PRKCB: variants seen among roughly 807,000 people sequenced by gnomAD.
PRKCB encodes the protein protein kinase C beta.
Under a neutral mutation model 81.5 loss-of-function variants are expected in PRKCB, and 13 were observed. The observed-to-expected ratio is 0.16, with a 90% CI of 0.10 to 0.25. The LOEUF is 0.25. PRKCB is among the 10% of genes least tolerant of loss of function. The pLI, the probability that PRKCB is intolerant of heterozygous loss-of-function variation, is 1.00. For missense variants in PRKCB, 509 were observed against 875.7 expected (o/e 0.58, Z 5.29); for synonymous variants, 335 against 321.4 (o/e 1.04, Z -0.45).
intron 2 of PRKCB, among the ~76,000 whole-genome samples, chr16:23,870,682 T>G (rs1408678376): frequency 6.6e-6 from 1 of 152,234 alleles, no homozygotes; most frequent in African/African-American, 2.4e-5. Flanking sequence ...CGTAGGTTGA[T>G]CAGGACCCTG....
At chr16:23,935,992 C>T (rs1324195007) in intron 2 of PRKCB, among the ~76,000 whole-genome samples, 1 of 152,186 alleles carries the variant, frequency 6.6e-6, no homozygotes, top group Non-Finnish European at 1.5e-5. Context: ...CAAATCTGCA[C>T]ATGTACCTAC....
chr16:24,031,420 G>T (rs1965549939), intron 3 of PRKCB, among the ~76,000 whole-genome samples: 1 of 152,138 alleles, frequency 6.6e-6, no homozygotes, highest in African/African-American at 2.4e-5. Flanking sequence ...AAAGGCTCAA[G>T]GAAGTATGCA....
At chr16:23,899,860 TATTTATTG>T (rs1427913655) in intron 2 of PRKCB, among the ~76,000 whole-genome samples, 1 of 11,364 alleles carries the variant, frequency 8.8e-5, no homozygotes, top group African/African-American at 1.9e-4. Flanking sequence ...TTTATTTATT[TATTTATTG>T]TAGAGATAGG....
intron 2 of PRKCB, among the ~76,000 whole-genome samples, chr16:23,875,712 A>ATGTG (rs945803334): frequency 7.3e-6 from 1 of 136,218 alleles, no homozygotes; most frequent in African/African-American, 2.8e-5. Context: ...ACACATATAT[A>ATGTG]TGTATGTATA....
At chr16:23,926,321 C>T (rs1460633775) in intron 2 of PRKCB, among the ~76,000 whole-genome samples, 10 of 150,528 alleles carry the variant, frequency 6.6e-5, no homozygotes, top group African/African-American at 1.2e-4. Context: ...CCCATCTCTG[C>T]AAAAATACAA....
chr16:24,041,260 G>A (rs1270325154), intron 5 of PRKCB, among the ~76,000 whole-genome samples: 5 of 151,958 alleles, frequency 3.3e-5, no homozygotes, highest in African/African-American at 2.4e-5. Context: ...CACTGTGTTA[G>A]CCAGGATGGT....
At chr16:24,109,003 C>G (rs1315827764) in intron 7 of PRKCB, among the ~76,000 whole-genome samples, 2 of 139,420 alleles carry the variant, frequency 1.4e-5, no homozygotes, top group East Asian at 2.1e-4. Flanking sequence ...ACCTCCCTCC[C>G]GGACGGGGCG....
intron 5 of PRKCB, among the ~76,000 whole-genome samples, chr16:24,072,812 C>T (rs950375383): frequency 6.6e-6 from 1 of 152,072 alleles, no homozygotes; most frequent in Non-Finnish European, 1.5e-5. Flanking sequence ...GACCTCCTGA[C>T]CTGAGGTGAT....
chr16:23,954,501 C>G (rs142402949), intron 2 of PRKCB, among the ~76,000 whole-genome samples: 37 of 152,308 alleles, frequency 2.4e-4, no homozygotes, highest in African/African-American at 8.7e-4. Context: ...TGGGAATGAG[C>G]TTACTGGCTC....
In PRKCB at chr16:24,096,063, C is replaced by T. The variant is rs567792868; in HGVS notation, c.821+1766C>T. On this transcript the variant is annotated intron_variant, in intron 7 of 16. Transcript: ENST00000643927. The stretch of plus-strand genomic sequence containing the variant: ...CTGTATTCCCAGCACTTTGGGAGGC[C>T]GAGGTGGGTGGATCACGAGATCGGG... Among the ~76,000 whole-genome samples, 80 of 152,102 alleles carry T rather than the reference C, an allele frequency of 5.3e-4. 1 individual carries two copies. Among genetic ancestry groups the T allele is most frequent in the African/African-American group, 1.7e-3 (69 of 41,516 alleles).
rs187559261 is a variant in PRKCB at position 24,219,370 on chromosome 16, T to G, written c.*4554T>G. On this transcript the variant is annotated 3_prime_UTR_variant, in exon 17 of 17. Coordinates refer to ENST00000643927, the MANE Select transcript of PRKCB (RefSeq NM_002738.7). ...AATGTCTTTGGAGAGAACTTCTGCC[T>G]GATAAACACCCAATTCTAGACTGTG... 7 of 985,422 alleles carry G rather than the reference T, an allele frequency of 7.1e-6. No individual in the cohort carries two copies. The East Asian group carries it at 6.8e-4, about 96-fold the overall frequency. The allele number at this position is 985,422 out of a possible 1,614,324, so 61.0% of individuals were successfully genotyped here.
intron 2 of PRKCB, among the ~76,000 whole-genome samples, chr16:23,935,757 T>A (rs1051706001): frequency 1.3e-5 from 2 of 152,184 alleles, no homozygotes; most frequent in Non-Finnish European, 2.9e-5. Flanking sequence ...GCCATTATTT[T>A]AAGCAAATTA....
chr16:24,156,873 A>T (rs907354169), intron 10 of PRKCB, among the ~76,000 whole-genome samples: 1 of 152,138 alleles, frequency 6.6e-6, no homozygotes, highest in Non-Finnish European at 1.5e-5. Flanking sequence ...CAGGCAAAGG[A>T]CAGTCTCCGT....
In PRKCB at chr16:23,881,345, C is replaced by T. The variant is rs552455380; in HGVS notation, c.205+43939C>T. 1.2e-3 allele frequency among the ~76,000 whole-genome samples: 188 copies of T among 151,944 alleles called. 1 individual carries two copies. The highest frequency in any genetic ancestry group is 4.4e-3 in the African/African-American group (181 of 41,420). The stretch of plus-strand genomic sequence containing the variant: ...TTGGTTCACTGCTACATTTGCCTCC[C>T]AGGTTCAAGCAATTCTCCCGCCTCA... On this transcript the variant is annotated intron_variant, in intron 2 of 16. Transcript: ENST00000643927.
chr16:24,095,007 C>A (rs929129811), intron 7 of PRKCB, among the ~76,000 whole-genome samples: 5 of 152,194 alleles, frequency 3.3e-5, no homozygotes, highest in African/African-American at 1.2e-4. Flanking sequence ...TAGAAGGCAA[C>A]AATTGAGAAC....
intron 2 of PRKCB, among the ~76,000 whole-genome samples, chr16:23,881,976 T>C (rs902887729): frequency 4.5e-5 from 1 of 22,304 alleles, no homozygotes; most frequent in African/African-American, 1.1e-4. Context: ...CTTTCTTTCT[T>C]TCTTTCTTTC....
intron 16 of PRKCB, among the ~76,000 whole-genome samples, chr16:24,194,399 C>A (rs1364439890): frequency 4.6e-5 from 7 of 151,890 alleles, no homozygotes; most frequent in African/African-American, 1.4e-4. Context: ...TATATCAGAA[C>A]AAATTTTTGA....
intron 2 of PRKCB, among the ~76,000 whole-genome samples, chr16:23,847,874 C>T (rs1962406673): frequency 6.6e-6 from 1 of 152,206 alleles, no homozygotes; most frequent in Admixed American, 6.5e-5. Context: ...AGTTCTGAGA[C>T]ATAATGTAAA....
Position 24,079,429 on chromosome 16 carries a change from C to T in PRKCB, c.530-13362C>T, listed in dbSNP as rs137941857. On this transcript the variant is annotated intron_variant, in intron 5 of 16. Transcript: ENST00000643927. ...TTGTTAAGAATTAGGTGCACAAGAC[C>T]AGCCCCCCTTTTACACAATGATTTC... Among the ~76,000 whole-genome samples the T allele has an allele frequency of 1.8e-3, 267 of 152,294 alleles. 1 individual carries two copies. Among genetic ancestry groups the T allele is most frequent in the Non-Finnish European group, 2.7e-3 (186 of 68,026 alleles).
Sources: allele counts gnomAD v4.1 joint callset (sites outside exome capture counted in the v4.1 genomes callset), GRCh38; gene constraint gnomAD v4.1.1; transcripts MANE v1.5; gene names NCBI Gene and HGNC (gene_info 2026-07-23, HGNC 2026-07-21).